The following PAPSS1 variants were observed in gnomAD, a reference collection of about 807,000 sequenced individuals.
PAPSS1 encodes the protein 3'-phosphoadenosine 5'-phosphosulfate synthase 1.
A neutral mutation model predicts 72.0 loss-of-function variants in PAPSS1; 50 were observed. The ratio of observed to expected loss-of-function variants is 0.69; its 90% CI spans 0.55 to 0.88. The LOEUF is 0.88. Among genes scored for constraint, PAPSS1 ranks in the 40% least tolerant of loss-of-function variants. PAPSS1 has a pLI of 0.00. For missense variants in PAPSS1, 657 were observed against 782.2 expected (o/e 0.84, Z 1.91); for synonymous variants, 261 against 263.6 (o/e 0.99, Z 0.09).
At chr4:107,621,703 C>T (rs1469674154) in intron 11 of PAPSS1, among the ~76,000 whole-genome samples, 2 of 141,690 alleles carry the variant, frequency 1.4e-5, no homozygotes, top group Admixed American at 1.5e-4. Flanking sequence ...TCACTGCAAG[C>T]TCCACCTCCC....
At chr4:107,655,026 T>A in intron 7 of PAPSS1, 126 bp from the exon 8 acceptor site, 1 of 637,078 alleles carries the variant, frequency 1.6e-6, no homozygotes. Flanking sequence ...GTGACAGTAT[T>A]CAACTGGTAC....
chr4:107,696,081 G>A (rs1401239883), intron 2 of PAPSS1, among the ~76,000 whole-genome samples: 1 of 152,160 alleles, frequency 6.6e-6, no homozygotes, highest in African/African-American at 2.4e-5. Flanking sequence ...ACAGATGCTG[G>A]AGAGGCTATG....
chr4:107,617,674 A>T (rs1725857144), intron 11 of PAPSS1, among the ~76,000 whole-genome samples: 1 of 152,166 alleles, frequency 6.6e-6, no homozygotes, highest in Admixed American at 6.5e-5. Flanking sequence ...TTCAACTCTC[A>T]TCTTCTTAGG....
intron 11 of PAPSS1, among the ~76,000 whole-genome samples, chr4:107,629,154 GC>G: frequency 6.6e-6 from 1 of 152,298 alleles, no homozygotes; most frequent in East Asian, 1.9e-4. Flanking sequence ...TTGAAAAAGA[GC>G]CCCTATCAGG....
chr4:107,636,906 A>T, intron 10 of PAPSS1, among the ~76,000 whole-genome samples: 1 of 152,192 alleles, frequency 6.6e-6, no homozygotes, highest in East Asian at 1.9e-4. Flanking sequence ...GTTTACTCAA[A>T]TTTTTACTTA....
rs1726955642 is a variant in PAPSS1 at position 107,654,839 on chromosome 4, C to T, written c.957G>A (p.Arg319=). 2 of 1,614,008 alleles carry T rather than the reference C, an allele frequency of 1.2e-6. No individual in the cohort carries two copies. Among genetic ancestry groups the T allele is most frequent in the Non-Finnish European group, 1.7e-6 (2 of 1,179,944 alleles). Residue 319 remains arginine (R), a synonymous_variant, in exon 8 of 12, where the codon AGG becomes AGA. Coordinates refer to ENST00000265174, the MANE Select transcript of PAPSS1 (RefSeq NM_005443.5). ...GAGCAAATGCTGTACAGCCGTCCAG[C>T]CTCTCTTTATCTTCATGAGTCGCAG... ...VLTATHEDKE[R]LDGCTAFALM...
chr4:107,705,439 G>C (rs951285105), intron 1 of PAPSS1, among the ~76,000 whole-genome samples: 1 of 152,184 alleles, frequency 6.6e-6, no homozygotes, highest in Non-Finnish European at 1.5e-5. Flanking sequence ...CATGTAAGAT[G>C]TGCCCTGCTT....
chr4:107,618,938 C>A (rs974997654), intron 11 of PAPSS1, among the ~76,000 whole-genome samples: 2 of 152,116 alleles, frequency 1.3e-5, no homozygotes, highest in African/African-American at 4.8e-5. Flanking sequence ...AATAATTTGA[C>A]AAAATACTGA....
intron 7 of PAPSS1, among the ~76,000 whole-genome samples, 166 bp downstream of exon 7, chr4:107,656,730 C>A (rs1727021761): frequency 6.6e-6 from 1 of 152,190 alleles, no homozygotes; most frequent in South Asian, 2.1e-4. Context: ...AAAATGAGAT[C>A]TCATGATTCA....
chr4:107,717,810 T>C (rs964041845), intron 1 of PAPSS1, among the ~76,000 whole-genome samples: 2 of 152,174 alleles, frequency 1.3e-5, no homozygotes, highest in Non-Finnish European at 2.9e-5. Context: ...TTCAGGATCA[T>C]CTTCTAACAT....
At chr4:107,642,411 C>T (rs557936141) in intron 10 of PAPSS1, among the ~76,000 whole-genome samples, 5 of 152,204 alleles carry the variant, frequency 3.3e-5, no homozygotes, top group Non-Finnish European at 7.4e-5. Context: ...GGTTCCTCAC[C>T]TGTGAACTGT....
At chr4:107,703,742 A>C (rs1169366864) in intron 1 of PAPSS1, among the ~76,000 whole-genome samples, 1 of 152,120 alleles carries the variant, frequency 6.6e-6, no homozygotes, top group Non-Finnish European at 1.5e-5. Context: ...TGCTGTTTTG[A>C]TTACTATAGC....
chr4:107,718,438 C>G (rs996535751), intron 1 of PAPSS1: 2 of 152,228 alleles, frequency 1.3e-5, no homozygotes, highest in Non-Finnish European at 1.5e-5. Flanking sequence ...CAACACTTAT[C>G]CATGCAGTTC....
chr4:107,627,021 T>C (rs1726117842), intron 11 of PAPSS1, among the ~76,000 whole-genome samples: 1 of 152,202 alleles, frequency 6.6e-6, no homozygotes, highest in Admixed American at 6.5e-5. Context: ...TATTTAGCTT[T>C]TGAATGATTA....
intron 1 of PAPSS1, among the ~76,000 whole-genome samples, chr4:107,712,132 G>C (rs1723511260): frequency 6.6e-6 from 1 of 152,118 alleles, no homozygotes; most frequent in Non-Finnish European, 1.5e-5. Flanking sequence ...ATATTTAATA[G>C]GTTTTTATAT....
chr4:107,624,137 C>T (rs1726035795), intron 11 of PAPSS1, among the ~76,000 whole-genome samples: 1 of 152,210 alleles, frequency 6.6e-6, no homozygotes, highest in Admixed American at 6.5e-5. Context: ...CTGTTTAACC[C>T]TCTATGATCC....
chr4:107,669,091 G>A (rs901216753), intron 5 of PAPSS1, among the ~76,000 whole-genome samples: 1 of 152,024 alleles, frequency 6.6e-6, no homozygotes, highest in African/African-American at 2.4e-5. Flanking sequence ...GCCCACCTTT[G>A]GAAAACCTAA....
intron 3 of PAPSS1, among the ~76,000 whole-genome samples, chr4:107,692,756 C>G (rs113071747): frequency 6.6e-6 from 1 of 150,952 alleles, no homozygotes; most frequent in Admixed American, 6.6e-5. Context: ...CAACGATAGA[C>G]TGGATAAAGA....
chr4:107,667,736 C>A (rs1269465335), intron 5 of PAPSS1, among the ~76,000 whole-genome samples: 1 of 152,136 alleles, frequency 6.6e-6, no homozygotes, highest in Non-Finnish European at 1.5e-5. Flanking sequence ...TTTTACCACT[C>A]CAATTCAGGT....
Sources: gnomAD v4.1 joint callset for allele counts (sites outside exome capture counted in the v4.1 genomes callset) on GRCh38, gnomAD v4.1.1 for gene constraint, MANE v1.5 for transcripts, NCBI Gene and HGNC (gene_info 2026-07-23, HGNC 2026-07-21) for gene names.